Variants in ANKDD1A observed in about 807,000 individuals in gnomAD.
ANKDD1A encodes ankyrin repeat and death domain containing 1A.
ANKDD1A carries 59 observed loss-of-function variants against 63.5 expected under a neutral mutation model. That is an observed-to-expected ratio of 0.93 (90% CI 0.75 to 1.15). The LOEUF is 1.15. Among genes scored for constraint, ANKDD1A ranks in the 50% most tolerant of loss-of-function variants. The probability of loss-of-function intolerance (pLI) is 0.00; values close to 1 mark genes in which losing one functional copy is unlikely to be tolerated. For synonymous variants in ANKDD1A, 266 were observed against 263.9 expected (o/e 1.01, Z -0.08); for missense variants, 632 against 656.4 (o/e 0.96, Z 0.41).
At chr15:64,952,937 C>T (rs1240479065) in intron 14 of ANKDD1A, among the ~76,000 whole-genome samples, 1 of 50,266 alleles carries the variant, frequency 2.0e-5, no homozygotes, top group Non-Finnish European at 5.5e-5. Flanking sequence ...GTTCTTCTTC[C>T]TCTTCTTCCT....
At position 64,958,025 on chromosome 15, in the gene ANKDD1A, C is replaced by CCTTT. The variant is rs2140396704; in HGVS notation, c.*840_*843dup. 1 of 152,140 alleles carries CCTTT rather than the reference C, an allele frequency of 6.6e-6. No homozygotes were observed. Among genetic ancestry groups the CCTTT allele is most frequent in the Non-Finnish European group, 1.5e-5 (1 of 68,006 alleles). 9.4% of individuals were successfully genotyped at this position (152,140 alleles called of 1,614,324 possible). On this transcript the variant is annotated 3_prime_UTR_variant, in exon 15 of 15. Transcript: ENST00000319580. ...GTGGGAGAAAGAGTTCTCAGTGGTT[C>CCTTT]CTTTCTATACAGTTTTAACTTTTGA...
intron 3 of ANKDD1A, 35 bp downstream of exon 3, chr15:64,917,549 T>C (rs1394011215): frequency 6.6e-7 from 1 of 1,522,818 alleles, no homozygotes; most frequent in Non-Finnish European, 8.8e-7. Context: ...CTCAGGGTGG[T>C]GGGGGGCACT....
intron 13 of ANKDD1A, among the ~76,000 whole-genome samples, chr15:64,947,836 C>T (rs1180929439): frequency 1.3e-5 from 2 of 152,232 alleles, no homozygotes; most frequent in African/African-American, 2.4e-5. Context: ...CTGATACCCA[C>T]TGTTTATACC....
rs141870312 is a variant in ANKDD1A at position 64,958,403 on chromosome 15, CTG to C, written c.*1222_*1223del. 268 of 152,254 alleles carry C rather than the reference CTG, an allele frequency of 1.8e-3. No homozygotes were observed. Among genetic ancestry groups the C allele is most frequent in the African/African-American group, 6.0e-3 (250 of 41,522 alleles). 9.4% of individuals were successfully genotyped at this position (152,254 alleles called of 1,614,324 possible). A position where few individuals can be genotyped will look rare whatever the true frequency, so the allele number is the denominator to read the frequency against. Reference sequence around the variant, plus strand: ...TGCCAGATGTTAATAATCGGGGAAACTGTGTGTGCTGAAGAGTACGTGGGAGC... The same window carrying C: ...TGCCAGATGTTAATAATCGGGGAAACTGTGTGCTGAAGAGTACGTGGGAGC... On this transcript the variant is annotated 3_prime_UTR_variant, in exon 15 of 15. Transcript: ENST00000319580.
chr15:64,950,943 G>A (rs1486266994), intron 14 of ANKDD1A: 1 of 1,270,658 alleles, frequency 7.9e-7, no homozygotes, highest in Admixed American at 2.5e-5. Flanking sequence ...TAAGATTCTT[G>A]TTTTTAACAG....
Position 64,931,588 on chromosome 15 carries a change from A to T in ANKDD1A, c.768+3A>T. ...GCACCGTGAATGCCCTCACCCAGGT[A>T]GCCAGGCCCTCCCAAGACTGCGGTC... On this transcript the variant is annotated splice_donor_region_variant and intron_variant, in intron 8 of 14. Coordinates refer to ENST00000319580, the MANE Select transcript of ANKDD1A (RefSeq NM_182703.6). The T allele has an allele frequency of 7.4e-6, 12 of 1,613,768 alleles. No individual in the cohort carries two copies. The highest frequency in any genetic ancestry group is 1.0e-5 in the Non-Finnish European group (12 of 1,180,004).
chr15:64,944,439 TG>T (rs1195050205), intron 11 of ANKDD1A, among the ~76,000 whole-genome samples: 10 of 152,256 alleles, frequency 6.6e-5, no homozygotes, highest in African/African-American at 2.4e-4. Context: ...ACACAAGAGG[TG>T]GTCATTGGAA....
At chr15:64,943,412 G>A (rs1033954783) in intron 10 of ANKDD1A, 72 bp from the exon 11 acceptor site, 3 of 1,217,968 alleles carry the variant, frequency 2.5e-6, no homozygotes, top group Non-Finnish European at 3.6e-6. Context: ...GGATCATTGT[G>A]CGGGCTGACT....
chr15:64,926,859 G>A (rs2085048729), intron 5 of ANKDD1A, 42 bp from the exon 6 acceptor site: 2 of 1,609,484 alleles, frequency 1.2e-6, no homozygotes, highest in Non-Finnish European at 1.7e-6. Flanking sequence ...TATGCCCACT[G>A]ACAGAGTGAG....
intron 1 of ANKDD1A, among the ~76,000 whole-genome samples, chr15:64,912,465 C>T (rs1051305925): frequency 2.6e-5 from 4 of 152,178 alleles, no homozygotes; most frequent in African/African-American, 9.7e-5. Flanking sequence ...GAGTGGAGAC[C>T]GCATCAGATG....
chr15:64,911,986 AG>A (rs1421898005), intron 1 of ANKDD1A, 22 bp downstream of exon 1: 24 of 240,128 alleles, frequency 1.0e-4, no homozygotes, highest in Non-Finnish European at 1.4e-4. Context: ...TGGAGGAGGG[AG>A]GGGGGCGGGC....
chr15:64,952,997 CTTAG>C (rs2085328078), intron 14 of ANKDD1A, among the ~76,000 whole-genome samples: 2 of 9,628 alleles, frequency 2.1e-4, no homozygotes, highest in Non-Finnish European at 1.1e-3. Flanking sequence ...TCTTCTCCTT[CTTAG>C]TTCTTTCTTC....
intron 9 of ANKDD1A, 113 bp downstream of exon 9, chr15:64,934,347 C>T (rs2085111171): frequency 1.3e-5 from 12 of 936,520 alleles, no homozygotes; most frequent in Admixed American, 2.5e-5. Context: ...GGGGTGCGGA[C>T]CAGGAGTAGG....
At chr15:64,951,640 CTATCT>C (rs2085280929) in intron 14 of ANKDD1A, among the ~76,000 whole-genome samples, 1 of 113,458 alleles carries the variant, frequency 8.8e-6, no homozygotes, top group Non-Finnish European at 1.8e-5. Flanking sequence ...TTTTCTTCTT[CTATCT>C]TCTTTCCTTC....
chr15:64,943,890 A>C, intron 11 of ANKDD1A: 1 of 394,866 alleles, frequency 2.5e-6, no homozygotes, highest in Non-Finnish European at 4.8e-6. Flanking sequence ...GTTGGGAAGT[A>C]GACGAATACC....
intron 14 of ANKDD1A, among the ~76,000 whole-genome samples, chr15:64,953,995 C>A (rs1485437782): frequency 5.0e-5 from 6 of 118,916 alleles, no homozygotes; most frequent in Non-Finnish European, 1.0e-4. Context: ...TTCTTCCTTT[C>A]TTTCCTTTCT....
intron 14 of ANKDD1A, among the ~76,000 whole-genome samples, chr15:64,952,586 T>C (rs2085313462): frequency 1.0e-5 from 1 of 98,016 alleles, no homozygotes; most frequent in African/African-American, 3.4e-5. Context: ...CCTTCTTTTC[T>C]TCTTCTTCCT....
At chr15:64,954,897 CTTCT>C (rs1034355080) in intron 14 of ANKDD1A, among the ~76,000 whole-genome samples, 1 of 132,220 alleles carries the variant, frequency 7.6e-6, no homozygotes, top group African/African-American at 2.8e-5. Context: ...CTCCTTCTTC[CTTCT>C]TCTCTTGTCT....
At chr15:64,936,576 C>T (rs1271985958) in intron 9 of ANKDD1A, among the ~76,000 whole-genome samples, 2 of 152,156 alleles carry the variant, frequency 1.3e-5, no homozygotes, top group African/African-American at 2.4e-5. Context: ...CAGTGGCTCA[C>T]ATCTGTAATC....
Sources: gnomAD v4.1 joint callset for allele counts (sites outside exome capture counted in the v4.1 genomes callset) on GRCh38, gnomAD v4.1.1 for gene constraint, MANE v1.5 for transcripts, NCBI Gene and HGNC (gene_info 2026-07-23, HGNC 2026-07-21) for gene names.